Variants in DPYSL2 observed in about 807,000 individuals in gnomAD.
DPYSL2 encodes the protein dihydropyrimidinase-related protein 2.
Under a neutral mutation model 69.9 loss-of-function variants are expected in DPYSL2, and 13 were observed. That is an observed-to-expected ratio of 0.19 (90% CI 0.12 to 0.30). DPYSL2 has a LOEUF of 0.30. Ranked by LOEUF, DPYSL2 falls within the 10% of genes least tolerant of loss-of-function variation. DPYSL2 has a pLI of 1.00. For missense variants in DPYSL2, 587 were observed against 918.9 expected, an observed-to-expected ratio of 0.64 and a Z score of 4.67; for synonymous variants, 326 against 359.1, an observed-to-expected ratio of 0.91 and a Z score of 1.04.
intron 3 of DPYSL2, among the ~76,000 whole-genome samples, chr8:26,616,679 AG>A (rs1217714519): frequency 2.6e-5 from 4 of 152,206 alleles, no homozygotes; most frequent in Non-Finnish European, 5.9e-5. Context: ...CCTTGCTTCA[AG>A]GGGCTGGCGG....
intron 1 of DPYSL2, among the ~76,000 whole-genome samples, chr8:26,576,359 C>T (rs890196396): frequency 4.6e-5 from 7 of 152,064 alleles, no homozygotes; most frequent in African/African-American, 1.7e-4. Context: ...CAATTACATA[C>T]TCTTTCTTCC....
intron 1 of DPYSL2, among the ~76,000 whole-genome samples, chr8:26,579,952 G>GGC (rs1801449901): frequency 4.1e-5 from 1 of 24,574 alleles, no homozygotes; most frequent in Non-Finnish European, 1.1e-4. Context: ...TTTTTAAAGA[G>GGC]CGCCCCCCCC....
chr8:26,645,324 T>G (rs562866856), intron 10 of DPYSL2, among the ~76,000 whole-genome samples: 17 of 152,114 alleles, frequency 1.1e-4, no homozygotes, highest in Admixed American at 4.6e-4. Flanking sequence ...CACCTGAGCC[T>G]TGGGAGGTTG....
Position 26,617,964 on chromosome 8 carries a change from C to T in DPYSL2, c.629-6179C>T, listed in dbSNP as rs372190314. ...GCTCTGTGAGTGAACTAAAAGCCAC[C>T]GGGTTATACCCTTTAAATGAGTGAT... On this transcript the variant is annotated intron_variant, in intron 3 of 13. Coordinates refer to ENST00000521913, the MANE Select transcript of DPYSL2 (RefSeq NM_001197293.3). The surrounding 1 kb of genome is among the most constrained non-coding windows in gnomAD (Gnocchi z 4.7). Among the ~76,000 whole-genome samples the T allele has an allele frequency of 6.6e-5, 10 of 151,986 alleles. No individual in the cohort carries two copies. The highest frequency in any genetic ancestry group is 5.8e-4 in the East Asian group (3 of 5,162).
At position 26,647,964 on chromosome 8, in the gene DPYSL2, C is replaced by T. The variant is rs183004938; in HGVS notation, c.1596+164C>T. On this transcript the variant is annotated intron_variant, in intron 11 of 13. Coordinates refer to ENST00000521913, the MANE Select transcript of DPYSL2 (RefSeq NM_001197293.3). The surrounding 1 kb of genome is among the most constrained non-coding windows in gnomAD (Gnocchi z 5.1). ...TTTGCTGGGAAAAGAATAGTTATTT[C>T]ATTTTCTTTAGTGAGGTCAATAAGA... is the stretch of plus-strand genomic sequence containing the variant. 3.9e-5 allele frequency among the ~76,000 whole-genome samples: 6 copies of T among 152,314 alleles called. No individual in the cohort carries two copies. The highest frequency in any genetic ancestry group is 1.4e-4 in the African/African-American group (6 of 41,570).
chr8:26,577,053 C>T (rs960474046), intron 1 of DPYSL2: 6 of 400,644 alleles, frequency 1.5e-5, no homozygotes, highest in Middle Eastern at 4.0e-4. Context: ...TTCCTCGCGG[C>T]CGGAAGGCAC....
In DPYSL2 at chr8:26,656,742, GT is replaced by G. The variant is rs1198956083; in HGVS notation, c.*1037del. On this transcript the variant is annotated 3_prime_UTR_variant, in exon 14 of 14. Transcript: ENST00000521913. ...TGCCATCATGAGGATGTGTGCTAGA[GT>G]GTGGGACCCTGGCCAAGTGCAGGAA... 1 of 152,736 alleles carries G rather than the reference GT, an allele frequency of 6.5e-6. No individual in the cohort carries two copies. Among genetic ancestry groups the G allele is most frequent in the Non-Finnish European group, 1.5e-5 (1 of 68,132 alleles). The allele number at this position is 152,736 out of a possible 1,614,324, so 9.5% of individuals were successfully genotyped here. A position where few individuals can be genotyped will look rare whatever the true frequency, so the allele number is the denominator to read the frequency against.
rs1393435759 is a variant in DPYSL2 at position 26,622,160 on chromosome 8, T to TCC, written c.629-1982_629-1981insCC. Among the ~76,000 whole-genome samples the TCC allele has an allele frequency of 4.9e-3, 473 of 96,390 alleles. 34 individuals are homozygous for TCC. The highest frequency in any genetic ancestry group is 0.014 in the Admixed American group (128 of 9,188). The allele number at this position is 96,390 out of a possible 152,430, so 63.2% of individuals were successfully genotyped here. A position where few individuals can be genotyped will look rare whatever the true frequency, so the allele number is the denominator to read the frequency against. On this transcript the variant is annotated intron_variant, in intron 3 of 13. Coordinates refer to ENST00000521913, the MANE Select transcript of DPYSL2 (RefSeq NM_001197293.3). Reference sequence around the variant, plus strand: ...TTCCTTCCTTCCTTCCTTCCTTCCCTCTCTCTCTCTTTCTTTCTTTCTTTC... The same window carrying TCC: ...TTCCTTCCTTCCTTCCTTCCTTCCCTCCCTCTCTCTCTTTCTTTCTTTCTTTC...
chr8:26,527,676 A>G (rs77691422), intron 1 of DPYSL2, among the ~76,000 whole-genome samples: 9,843 of 152,264 alleles, frequency 0.065, 416 homozygotes, highest in South Asian at 0.22. Flanking sequence ...AATTATCACA[A>G]TATTATTTCA....
At chr8:26,546,921 C>CAAAAAAAAAAAAAA (rs61360009) in intron 1 of DPYSL2, among the ~76,000 whole-genome samples, 1 of 46,206 alleles carries the variant, frequency 2.2e-5, no homozygotes, top group African/African-American at 1.1e-4. Flanking sequence ...GACTCAGTCT[C>CAAAAAAAAAAAAAA]AAAAAAAAAA....
chr8:26,586,510 C>T lies in DPYSL2; in HGVS notation c.628+2527C>T, dbSNP rs1319658868. ...GCCTCTTCCCTCCACACGCTCGCCC[C>T]GTGCTTAGGCCCCCACTCTTGTTCT... On this transcript the variant is annotated intron_variant, in intron 3 of 13. Coordinates refer to ENST00000521913, the MANE Select transcript of DPYSL2 (RefSeq NM_001197293.3). The surrounding 1 kb of genome is among the most constrained non-coding windows in gnomAD (Gnocchi z 4.7). 3.9e-5 allele frequency among the ~76,000 whole-genome samples: 6 copies of T among 152,306 alleles called. No homozygotes were observed. Among genetic ancestry groups the T allele is most frequent in the South Asian group, 2.1e-4 (1 of 4,826 alleles).
At position 26,623,205 on chromosome 8, in the gene DPYSL2, G is replaced by A. The variant is rs151318722; in HGVS notation, c.629-938G>A. ...GAGCTGAAAAACGGTCTGTGTAGCT[G>A]GAGAGCAGGGTACAAGGGAGAGGTG... On this transcript the variant is annotated intron_variant, in intron 3 of 13. Coordinates refer to ENST00000521913, the MANE Select transcript of DPYSL2 (RefSeq NM_001197293.3). 1.4e-3 allele frequency among the ~76,000 whole-genome samples: 210 copies of A among 152,296 alleles called. 1 individual carries two copies. Among genetic ancestry groups the A allele is most frequent in the African/African-American group, 4.9e-3 (204 of 41,560 alleles).
chr8:26,622,455 TG>T (rs200819729), intron 3 of DPYSL2, among the ~76,000 whole-genome samples: 1,836 of 113,284 alleles, frequency 0.016, 21 homozygotes, highest in Middle Eastern at 0.073. Context: ...TGTATGTGTG[TG>T]TGTGTGTGTG....
intron 1 of DPYSL2, chr8:26,578,284 A>G: frequency 6.2e-7 from 1 of 1,614,146 alleles, no homozygotes; most frequent in Non-Finnish European, 8.5e-7. Context: ...AAAATATTCC[A>G]CGCATCACGG....
intron 1 of DPYSL2, among the ~76,000 whole-genome samples, chr8:26,542,081 G>T (rs1800694805): frequency 6.6e-6 from 1 of 152,034 alleles, no homozygotes; most frequent in African/African-American, 2.4e-5. Context: ...GACCAGTCTG[G>T]GCTCAAACTA....
rs144732946 is a variant in DPYSL2 at position 26,519,082 on chromosome 8, T to C, written c.354+4403T>C. ...ACTTCTGGCCATGACCTTTGCATATTGCATATGCAATGTTATGTGGTTCAC... is the reference window on the plus strand; with the variant it reads ...ACTTCTGGCCATGACCTTTGCATATCGCATATGCAATGTTATGTGGTTCAC... On this transcript the variant is annotated intron_variant, in intron 1 of 13. Transcript: ENST00000521913. 1.3e-4 allele frequency among the ~76,000 whole-genome samples: 20 copies of C among 152,316 alleles called. 1 individual carries two copies. The highest frequency in any genetic ancestry group is 4.8e-4 in the African/African-American group (20 of 41,576).
intron 1 of DPYSL2, among the ~76,000 whole-genome samples, chr8:26,558,527 C>T (rs1801024892): frequency 6.6e-6 from 1 of 152,188 alleles, no homozygotes; most frequent in African/African-American, 2.4e-5. Context: ...CATCTTATTA[C>T]CTTTTTAAAA....
intron 1 of DPYSL2, among the ~76,000 whole-genome samples, chr8:26,557,604 C>G (rs557295192): frequency 7.7e-4 from 90 of 117,010 alleles, no homozygotes; most frequent in African/African-American, 2.7e-3. Flanking sequence ...ATGGCAAAAC[C>G]CTGTCTCTAC....
At chr8:26,537,026 T>C (rs1305035384) in intron 1 of DPYSL2, among the ~76,000 whole-genome samples, 1 of 103,346 alleles carries the variant, frequency 9.7e-6, no homozygotes, top group Non-Finnish European at 1.9e-5. Flanking sequence ...ATGGAGGTTA[T>C]GGTAAATAAT....
Sources: allele counts gnomAD v4.1 joint callset (sites outside exome capture counted in the v4.1 genomes callset), GRCh38; gene constraint gnomAD v4.1.1; non-coding constraint Gnocchi (gnomAD v3.1); transcripts MANE v1.5; gene names NCBI Gene and HGNC (gene_info 2026-07-23, HGNC 2026-07-21).